MED13L: variants seen among roughly 807,000 people sequenced by gnomAD.
MED13L encodes mediator complex subunit 13L.
A neutral mutation model predicts 220.9 loss-of-function variants in MED13L; 7 were observed. The observed-to-expected ratio is 0.03, with a 90% CI of 0.02 to 0.06. MED13L has a LOEUF of 0.06. MED13L is among the 10% of genes least tolerant of loss of function. The pLI is 1.00. For synonymous variants in MED13L, 1,011 were observed against 1,015.2 expected, an observed-to-expected ratio of 1.00 and a Z score of 0.08; for missense variants, 1,965 against 2,760.5, an observed-to-expected ratio of 0.71 and a Z score of 6.46.
chr12:116,239,745 T>C (rs1187466031), intron 1 of MED13L, among the ~76,000 whole-genome samples: 2 of 152,242 alleles, frequency 1.3e-5, no homozygotes, highest in East Asian at 3.8e-4. Context: ...ACCACGTTAC[T>C]GTTCAATTAA....
At chr12:116,156,808 T>C (rs1424549988) in intron 2 of MED13L, among the ~76,000 whole-genome samples, 1 of 152,202 alleles carries the variant, frequency 6.6e-6, no homozygotes, top group African/African-American at 2.4e-5. Context: ...GTCATAAAAC[T>C]GCCGAGTAGA....
rs927335962 is a variant in MED13L, at chr12:116,170,688, C to T, written c.311-59176G>A. Among the ~76,000 whole-genome samples, 21 of 150,984 alleles carry T rather than the reference C, an allele frequency of 1.4e-4. 1 individual carries two copies. The highest frequency in any genetic ancestry group is 2.7e-4 in the Non-Finnish European group (18 of 67,890). ...CGATCTTGGCTCACTGCAACCTCCA[C>T]GTCCCAGGTTCAGGTAATTCTTGGG... On this transcript the variant is annotated intron_variant, in intron 2 of 30. Transcript: ENST00000281928.
intron 2 of MED13L, among the ~76,000 whole-genome samples, chr12:116,120,465 TCTCTCTCTCTCTCACACA>T (rs1471937797): frequency 5.8e-5 from 8 of 137,610 alleles, no homozygotes; most frequent in African/African-American, 2.0e-4. Flanking sequence ...TCTCTCTCTC[TCTCTCTCTCTCTCACACA>T]CACACACACA....
chr12:116,035,801 G>C (rs570946408), intron 4 of MED13L, among the ~76,000 whole-genome samples: 2 of 151,962 alleles, frequency 1.3e-5, no homozygotes, highest in Admixed American at 1.3e-4. Flanking sequence ...ACGTTGCCCA[G>C]GATCGTCTCG....
chr12:115,967,903 C>A (rs935576172), intron 28 of MED13L, among the ~76,000 whole-genome samples: 3 of 152,158 alleles, frequency 2.0e-5, no homozygotes, highest in Admixed American at 6.5e-5. Context: ...CCCTTAAAAC[C>A]CCTTCCTTCC....
At chr12:116,165,026 G>C (rs1218125581) in intron 2 of MED13L, among the ~76,000 whole-genome samples, 2 of 152,212 alleles carry the variant, frequency 1.3e-5, no homozygotes, top group East Asian at 1.9e-4. Flanking sequence ...TGCAATACAT[G>C]GTTAAGAATA....
intron 17 of MED13L, 134 bp from the exon 18 acceptor site, chr12:115,987,422 T>TAGGAGTC: frequency 2.5e-6 from 2 of 791,230 alleles, no homozygotes; most frequent in Non-Finnish European, 4.1e-6. Flanking sequence ...ATATTTGACT[T>TAGGAGTC]AGGAGTCAGG....
chr12:116,145,701 A>ATTTGTTTG (rs1028326697), intron 2 of MED13L, among the ~76,000 whole-genome samples: 2 of 134,932 alleles, frequency 1.5e-5, no homozygotes, highest in Non-Finnish European at 3.1e-5. Flanking sequence ...TTATTTATTT[A>ATTTGTTTG]TTTTAAATTT....
At chr12:116,102,169 T>C (rs1873114122) in intron 3 of MED13L, among the ~76,000 whole-genome samples, 1 of 152,214 alleles carries the variant, frequency 6.6e-6, no homozygotes. Context: ...TACCTAATGT[T>C]TCTGTGTCAT....
intron 11 of MED13L, chr12:116,006,838 C>A (rs1242727473): frequency 1.0e-5 from 2 of 197,480 alleles, no homozygotes; most frequent in South Asian, 9.8e-5. Flanking sequence ...TTCCTTGATT[C>A]TCAAGAATAC....
intron 29 of MED13L, among the ~76,000 whole-genome samples, chr12:115,965,751 G>T (rs946649293): frequency 2.0e-5 from 3 of 152,154 alleles, no homozygotes; most frequent in Non-Finnish European, 4.4e-5. Context: ...CTTCGACACA[G>T]GCTTAACTTT....
At chr12:116,057,882 T>C (rs1205616954) in intron 4 of MED13L, among the ~76,000 whole-genome samples, 2 of 152,160 alleles carry the variant, frequency 1.3e-5, no homozygotes, top group African/African-American at 4.8e-5. Flanking sequence ...TAAAGTCTTA[T>C]TTTAAATCAT....
intron 3 of MED13L, among the ~76,000 whole-genome samples, chr12:116,099,804 C>G (rs967679204): frequency 1.3e-5 from 2 of 152,200 alleles, no homozygotes; most frequent in African/African-American, 4.8e-5. Flanking sequence ...CTGATGAAAA[C>G]TCTGAGAGTC....
intron 2 of MED13L, among the ~76,000 whole-genome samples, chr12:116,231,012 T>C (rs980680968): frequency 3.9e-5 from 6 of 152,212 alleles, no homozygotes; most frequent in Non-Finnish European, 5.9e-5. Context: ...CCATTATAAT[T>C]TGCCTTTGGT....
intron 2 of MED13L, among the ~76,000 whole-genome samples, chr12:116,141,643 C>G (rs532069811): frequency 1.3e-5 from 2 of 152,084 alleles, no homozygotes; most frequent in Non-Finnish European, 2.9e-5. Context: ...CACTTCTCAC[C>G]ACCCTCACCA....
intron 4 of MED13L, among the ~76,000 whole-genome samples, chr12:116,063,553 T>C (rs1405509259): frequency 6.6e-6 from 1 of 152,132 alleles, no homozygotes; most frequent in African/African-American, 2.4e-5. Context: ...AAGCATTGTT[T>C]GGATATCTAA....
At chr12:116,238,437 T>C (rs1565943567) in intron 1 of MED13L, among the ~76,000 whole-genome samples, 1 of 152,256 alleles carries the variant, frequency 6.6e-6, no homozygotes, top group Non-Finnish European at 1.5e-5. Context: ...CAAGATGTCT[T>C]AAATCTTAAG....
intron 7 of MED13L, among the ~76,000 whole-genome samples, chr12:116,016,332 A>G (rs1879721611): frequency 6.6e-6 from 1 of 152,182 alleles, no homozygotes; most frequent in African/African-American, 2.4e-5. Context: ...TTATATTCTA[A>G]GGAAATGAAG....
intron 1 of MED13L, among the ~76,000 whole-genome samples, chr12:116,254,479 TG>T (rs1326108488): frequency 6.6e-5 from 10 of 152,020 alleles, no homozygotes; most frequent in Non-Finnish European, 8.8e-5. Context: ...CCAGGTGCAG[TG>T]GCTCACACCT....
Sources: gnomAD v4.1 joint callset for allele counts (sites outside exome capture counted in the v4.1 genomes callset) on GRCh38, gnomAD v4.1.1 for gene constraint, MANE v1.5 for transcripts, NCBI Gene and HGNC (gene_info 2026-07-23, HGNC 2026-07-21) for gene names.